The following NTN1 variants were observed in gnomAD, a reference collection of about 807,000 sequenced individuals.
NTN1 encodes the protein netrin-1.
NTN1 carries 11 observed loss-of-function variants against 54.2 expected under a neutral mutation model. The ratio of observed to expected loss-of-function variants is 0.20; its 90% CI spans 0.13 to 0.34. The LOEUF (loss-of-function observed/expected upper bound fraction) is 0.34. NTN1 is among the 10% of genes least tolerant of loss of function. The pLI is 1.00. For missense variants in NTN1, 740 were observed against 893.1 expected, an observed-to-expected ratio of 0.83 and a Z score of 2.18; for synonymous variants, 371 against 382.0, an observed-to-expected ratio of 0.97 and a Z score of 0.33.
intron 2 of NTN1, among the ~76,000 whole-genome samples, chr17:9,105,832 G>T (rs540107120): frequency 5.3e-5 from 8 of 152,154 alleles, no homozygotes; most frequent in Admixed American, 2.6e-4. Flanking sequence ...GGATAAGTAG[G>T]CAGCCTAAAG....
chr17:9,098,369 G>C (rs1317518629), intron 2 of NTN1, among the ~76,000 whole-genome samples: 2 of 152,246 alleles, frequency 1.3e-5, no homozygotes, highest in Admixed American at 1.3e-4. Context: ...AGTCTGGAGA[G>C]CGCTGTTCAC....
intron 2 of NTN1, among the ~76,000 whole-genome samples, chr17:9,140,457 GA>G (rs1265696943): frequency 1.3e-5 from 2 of 152,204 alleles, no homozygotes; most frequent in Non-Finnish European, 2.9e-5. Flanking sequence ...GGCATTTGTT[GA>G]GTTCCCCAGA....
intron 2 of NTN1, among the ~76,000 whole-genome samples, chr17:9,102,300 T>TA (rs974763908): frequency 6.7e-6 from 1 of 149,026 alleles, no homozygotes; most frequent in African/African-American, 2.5e-5. Flanking sequence ...TCAGGAAACT[T>TA]ACAATCATGG....
rs114078213 is a variant in NTN1 at position 9,123,111 on chromosome 17, C to T, written c.1019-39702C>T. Among the ~76,000 whole-genome samples, 642 of 152,198 alleles carry T rather than the reference C, an allele frequency of 4.2e-3. 6 individuals carry two copies. Among genetic ancestry groups the T allele is most frequent in the African/African-American group, 0.013 (555 of 41,534 alleles). ...ATAAGCACATGTTTAAGACTTTTGA[C>T]GCGTTTGTATCTTGCTCTCCCCCAA... On this transcript the variant is annotated intron_variant, in intron 2 of 6. Transcript: ENST00000173229.
At chr17:9,059,471 A>C (rs1211110825) in intron 2 of NTN1, among the ~76,000 whole-genome samples, 2 of 152,234 alleles carry the variant, frequency 1.3e-5, no homozygotes, top group Non-Finnish European at 2.9e-5. Flanking sequence ...CACCCTACGT[A>C]ATATCACTCA....
chr17:9,099,005 A>G (rs2092140788), intron 2 of NTN1, among the ~76,000 whole-genome samples: 1 of 152,132 alleles, frequency 6.6e-6, no homozygotes, highest in Non-Finnish European at 1.5e-5. Flanking sequence ...AATTTTTTTA[A>G]TGAAATGGAA....
chr17:9,202,541 A>G (rs1206744031), intron 5 of NTN1, among the ~76,000 whole-genome samples: 1 of 152,162 alleles, frequency 6.6e-6, no homozygotes, highest in East Asian at 1.9e-4. Context: ...AAGGTAGCAG[A>G]ATTTGGTCTT....
chr17:9,161,879 G>A (rs2092357948), intron 2 of NTN1, among the ~76,000 whole-genome samples: 1 of 152,194 alleles, frequency 6.6e-6, no homozygotes, highest in Admixed American at 6.5e-5. Context: ...AGGGCAGGAT[G>A]GTAAGGAGTG....
At chr17:9,133,026 G>A (rs117550239) in intron 2 of NTN1, among the ~76,000 whole-genome samples, 2 of 152,188 alleles carry the variant, frequency 1.3e-5, no homozygotes, top group Non-Finnish European at 2.9e-5. Context: ...ACGGACTGTA[G>A]ACGCTCACAA....
upstream of NTN1, among the ~76,000 whole-genome samples, chr17:9,019,358 T>A (rs941894978): frequency 6.6e-6 from 1 of 152,252 alleles, no homozygotes; most frequent in African/African-American, 2.4e-5. Context: ...TTTGCTTTTT[T>A]CATATTATAA....
chr17:9,243,144 G>C lies in NTN1; in HGVS notation c.*3176G>C, dbSNP rs1262893417. 6.6e-6 allele frequency: 1 copy of C among 152,196 alleles called. No individual in the cohort carries two copies. The highest frequency in any genetic ancestry group is 2.1e-4 in the South Asian group (1 of 4,824). 9.4% of individuals were successfully genotyped at this position (152,196 alleles called of 1,614,324 possible). On this transcript the variant is annotated 3_prime_UTR_variant, in exon 7 of 7. Coordinates refer to ENST00000173229, the MANE Select transcript of NTN1 (RefSeq NM_004822.3). ...CGAAGATTTGCGGGGGAGGACATAGGGCTGTCCCCGGGATTCACCTGCTGG... is the reference window on the plus strand; with the variant it reads ...CGAAGATTTGCGGGGGAGGACATAGCGCTGTCCCCGGGATTCACCTGCTGG...
chr17:9,174,355 G>T, intron 3 of NTN1: 1 of 152,546 alleles, frequency 6.6e-6, no homozygotes, highest in Non-Finnish European at 1.5e-5. Context: ...GTACAGGACA[G>T]GCCTAGGAGG....
intron 5 of NTN1, among the ~76,000 whole-genome samples, chr17:9,187,459 C>T (rs187723212): frequency 1.2e-4 from 18 of 152,206 alleles, no homozygotes; most frequent in South Asian, 2.1e-4. Context: ...TGTCTATCAT[C>T]GGATGAACAG....
At chr17:9,164,380 G>A (rs551807469) in intron 3 of NTN1, among the ~76,000 whole-genome samples, 2 of 151,386 alleles carry the variant, frequency 1.3e-5, no homozygotes, top group East Asian at 1.9e-4. Flanking sequence ...AGCCAAGATC[G>A]CGCCACCGCA....
In NTN1 at chr17:9,216,039, C is replaced by T. The variant is rs149284475; in HGVS notation, c.1412-5129C>T. Reference sequence around the variant, plus strand: ...GCAGTGGCGCAGTCACAGCTCACTACAATCTCAAACTCCTGGGCTCAAGCA... The same window carrying T: ...GCAGTGGCGCAGTCACAGCTCACTATAATCTCAAACTCCTGGGCTCAAGCA... On this transcript the variant is annotated intron_variant, in intron 5 of 6. Transcript: ENST00000173229. Among the ~76,000 whole-genome samples the T allele has an allele frequency of 5.8e-3, 877 of 152,336 alleles. 9 individuals are homozygous for T. The highest frequency in any genetic ancestry group is 0.02 in the African/African-American group (841 of 41,576).
chr17:9,120,298 A>G (rs996584962), intron 2 of NTN1, among the ~76,000 whole-genome samples: 1 of 151,680 alleles, frequency 6.6e-6, no homozygotes, highest in Non-Finnish European at 1.5e-5. Context: ...AAAAAAAAAA[A>G]AAAAGTGCCT....
chr17:9,227,434 A>T (rs1320249112), intron 6 of NTN1, among the ~76,000 whole-genome samples: 2 of 148,816 alleles, frequency 1.3e-5, no homozygotes, highest in African/African-American at 5.0e-5. Context: ...ATACACCATC[A>T]CACCACACAT....
intron 2 of NTN1, among the ~76,000 whole-genome samples, chr17:9,156,160 CT>C (rs1303202611): frequency 6.6e-6 from 1 of 151,964 alleles, no homozygotes; most frequent in Non-Finnish European, 1.5e-5. Flanking sequence ...CATGACAGAT[CT>C]GAGAGCAGTA....
chr17:9,117,759 A>C (rs1255507074), intron 2 of NTN1, among the ~76,000 whole-genome samples: 1 of 118,010 alleles, frequency 8.5e-6, no homozygotes. Context: ...ACAAACAAAC[A>C]AACAAAAAAA....
Sources: allele counts gnomAD v4.1 joint callset (sites outside exome capture counted in the v4.1 genomes callset), GRCh38; gene constraint gnomAD v4.1.1; transcripts MANE v1.5; gene names NCBI Gene and HGNC (gene_info 2026-07-23, HGNC 2026-07-21).